The following SLC7A8 variants were observed in gnomAD, a reference collection of about 807,000 sequenced individuals.
SLC7A8 encodes large neutral amino acids transporter small subunit 2.
SLC7A8 carries 30 observed loss-of-function variants against 51.2 expected under a neutral mutation model. The observed-to-expected ratio is 0.59, with a 90% CI of 0.44 to 0.80. The LOEUF (loss-of-function observed/expected upper bound fraction) is 0.80, where lower values mean the gene tolerates loss of function less well. Among genes scored for constraint, SLC7A8 ranks in the 30% least tolerant of loss-of-function variants. The pLI is 0.00. For synonymous variants in SLC7A8, 257 were observed against 275.8 expected, an observed-to-expected ratio of 0.93 and a Z score of 0.67; for missense variants, 612 against 674.4, an observed-to-expected ratio of 0.91 and a Z score of 1.03.
intron 1 of SLC7A8, among the ~76,000 whole-genome samples, chr14:23,176,608 A>G (rs1377204806): frequency 6.6e-6 from 1 of 152,126 alleles, no homozygotes; most frequent in East Asian, 1.9e-4. Flanking sequence ...TGTTGGGAAG[A>G]TTGAATAAAA....
At chr14:23,142,503 T>C (rs772875014) in intron 4 of SLC7A8, among the ~76,000 whole-genome samples, 1 of 152,018 alleles carries the variant, frequency 6.6e-6, no homozygotes, top group Non-Finnish European at 1.5e-5. Flanking sequence ...GGGTTTTTGT[T>C]TGTTTATTTG....
intron 6 of SLC7A8, among the ~76,000 whole-genome samples, 185 bp downstream of exon 6, chr14:23,139,239 C>A (rs1292183973): frequency 6.6e-6 from 1 of 152,162 alleles, no homozygotes. Context: ...TACAACCCAG[C>A]CACCTGTTTG....
chr14:23,161,594 G>GTAGGTGGGTGGGGA (rs2048922779), intron 3 of SLC7A8, among the ~76,000 whole-genome samples: 1 of 142,886 alleles, frequency 7.0e-6, no homozygotes, highest in South Asian at 2.3e-4. Flanking sequence ...GATGGTGGGG[G>GTAGGTGGGTGGGGA]TAGGTGGGTG....
intron 3 of SLC7A8, among the ~76,000 whole-genome samples, chr14:23,162,284 G>A (rs575823682): frequency 3.3e-5 from 5 of 152,292 alleles, no homozygotes; most frequent in African/African-American, 1.2e-4. Context: ...AGCGGGACAG[G>A]TGTGGAGCTG....
Position 23,127,209 on chromosome 14 carries a change from C to G in SLC7A8, c.1576G>C (p.Asp526His). Residue 526 changes from aspartate (D) to histidine (H), a missense_variant, in exon 11 of 11, where the codon GAC becomes CAC. Physicochemically the swap from Asp to His is moderately conservative, Grantham distance 81. Coordinates refer to ENST00000316902, the MANE Select transcript of SLC7A8 (RefSeq NM_012244.4). ...TGGGGCTGCCCCGCCACGTCCTTGT[C>G]CTTCGTGGGAGTGGGTTGGTACATG... The part of the protein sequence containing the change: ...QPMYQPTPTK[D>H]KDVAGQPQP 6.2e-7 allele frequency: 1 copy of G among 1,614,120 alleles called. No homozygotes were observed. The highest frequency in any genetic ancestry group is 1.1e-5 in the South Asian group (1 of 91,086).
At chr14:23,181,331 C>A (rs1445924850) in intron 1 of SLC7A8, among the ~76,000 whole-genome samples, 1 of 151,574 alleles carries the variant, frequency 6.6e-6, no homozygotes, top group Non-Finnish European at 1.5e-5. Flanking sequence ...AGATTCAGAT[C>A]ATGACTACAA....
At chr14:23,178,901 A>AC (rs1457137239) in intron 1 of SLC7A8, among the ~76,000 whole-genome samples, 1 of 151,092 alleles carries the variant, frequency 6.6e-6, no homozygotes, top group African/African-American at 2.4e-5. Flanking sequence ...AAAAAAAAAA[A>AC]AAAAAAAATG....
chr14:23,145,398 G>A (rs1037782660), intron 3 of SLC7A8, among the ~76,000 whole-genome samples: 3 of 151,328 alleles, frequency 2.0e-5, no homozygotes, highest in South Asian at 2.1e-4. Context: ...TGGTGGTGGC[G>A]CGCCTGTAAT....
At chr14:23,130,835 C>T (rs527717244) in intron 8 of SLC7A8, among the ~76,000 whole-genome samples, 2 of 152,064 alleles carry the variant, frequency 1.3e-5, no homozygotes, top group African/African-American at 2.4e-5. Context: ...ATAAAAATAA[C>T]TCAAAAGACT....
chr14:23,166,273 C>G (rs1325381675), intron 2 of SLC7A8, 63 bp downstream of exon 2: 2 of 1,571,458 alleles, frequency 1.3e-6, no homozygotes, highest in Non-Finnish European at 1.7e-6. Context: ...TCCAATCTGA[C>G]CTCCTTCTGA....
chr14:23,134,108 C>T (rs2048665622), intron 7 of SLC7A8, among the ~76,000 whole-genome samples: 1 of 151,700 alleles, frequency 6.6e-6, no homozygotes, highest in African/African-American at 2.4e-5. Context: ...ACCCAAATGC[C>T]AATTAATTTT....
At chr14:23,180,048 GGCAT>G (rs762425119) in intron 1 of SLC7A8, among the ~76,000 whole-genome samples, 1 of 151,914 alleles carries the variant, frequency 6.6e-6, no homozygotes, top group Non-Finnish European at 1.5e-5. Flanking sequence ...TGGGACTACA[GGCAT>G]GCGCCACGAC....
chr14:23,177,339 C>T (rs1028326690), intron 1 of SLC7A8, among the ~76,000 whole-genome samples: 2 of 152,210 alleles, frequency 1.3e-5, no homozygotes, highest in African/African-American at 4.8e-5. Flanking sequence ...AACTGTCCAA[C>T]CCTTGTTCAA....
chr14:23,173,411 G>C (rs988181688), intron 1 of SLC7A8, among the ~76,000 whole-genome samples: 1 of 152,174 alleles, frequency 6.6e-6, no homozygotes, highest in Non-Finnish European at 1.5e-5. Context: ...AAAGCAACCA[G>C]CTGGTTGCTA....
At chr14:23,168,839 T>C (rs1480805349) in intron 1 of SLC7A8, among the ~76,000 whole-genome samples, 2 of 152,204 alleles carry the variant, frequency 1.3e-5, no homozygotes, top group East Asian at 3.8e-4. Flanking sequence ...TATGTTCCCT[T>C]GTTCTAGGCC....
chr14:23,163,209 G>C (rs1170525848), intron 3 of SLC7A8, among the ~76,000 whole-genome samples: 2 of 152,120 alleles, frequency 1.3e-5, no homozygotes, highest in African/African-American at 4.8e-5. Context: ...CTGTGCTGAG[G>C]GTGTCCCCTT....
In SLC7A8 at chr14:23,165,516, A is replaced by G. The variant is rs2048945140; in HGVS notation, c.357-80T>C. The G allele has an allele frequency of 7.0e-7, 1 of 1,435,556 alleles. No individual in the cohort carries two copies. The highest frequency in any genetic ancestry group is 1.5e-5 in the African/African-American group (1 of 67,372). 88.9% of individuals were successfully genotyped at this position (1,435,556 alleles called of 1,614,324 possible). On this transcript the variant is annotated intron_variant, in intron 2 of 10. Transcript: ENST00000316902. The surrounding 1 kb of genome is among the most constrained non-coding windows in gnomAD (Gnocchi z 4.2). ...AGGGGAGAGCCCGGGCAAGTCATGC[A>G]TCTCTTTTTTATTTTCAAGGATGCT...
intron 7 of SLC7A8, among the ~76,000 whole-genome samples, chr14:23,134,386 G>GTATT (rs1366993365): frequency 1.7e-5 from 2 of 118,754 alleles, no homozygotes; most frequent in African/African-American, 6.5e-5. Context: ...GCAGTGAGCT[G>GTATT]TATTTGCACC....
At position 23,140,452 on chromosome 14, in the gene SLC7A8, C is replaced by T; in HGVS notation, c.788+19G>A. On this transcript the variant is annotated intron_variant, in intron 5 of 10. Transcript: ENST00000316902. The stretch of plus-strand genomic sequence containing the variant: ...TGGCCCTTCAAGGGAGAGGGAATAG[C>T]CAGGCTCTTTCAACTCACTTGTAGG... 1.9e-6 allele frequency: 3 copies of T among 1,588,226 alleles called. No homozygotes were observed. The highest frequency in any genetic ancestry group is 3.4e-5 in the Admixed American group (2 of 58,998).
Sources: allele counts gnomAD v4.1 joint callset (sites outside exome capture counted in the v4.1 genomes callset), GRCh38; gene constraint gnomAD v4.1.1; non-coding constraint Gnocchi (gnomAD v3.1); transcripts MANE v1.5; gene names NCBI Gene and HGNC (gene_info 2026-07-23, HGNC 2026-07-21).